CAPN15: variants seen among roughly 807,000 people sequenced by gnomAD.
The protein encoded by CAPN15 is calpain 15.
A neutral mutation model predicts 97.9 loss-of-function variants in CAPN15; 53 were observed. The ratio of observed to expected loss-of-function variants is 0.54; its 90% CI spans 0.43 to 0.68. The LOEUF is 0.68. CAPN15 is among the 30% of genes least tolerant of loss of function. The pLI is 0.00. For synonymous variants in CAPN15, 922 were observed against 722.5 expected (o/e 1.28, Z -4.43); for missense variants, 1,592 against 1,589.8 (o/e 1.00, Z -0.02).
At position 553,485 on chromosome 16, in the gene CAPN15, T is replaced by A; in HGVS notation, c.3230T>A (p.Val1077Asp). 3 of 1,605,934 alleles carry A rather than the reference T, an allele frequency of 1.9e-6. No individual in the cohort carries two copies. The highest frequency in any genetic ancestry group is 2.5e-6 in the Non-Finnish European group (3 of 1,177,206). ...CACAGCCCCCCACTCACGCCAGAGG[T>A]CGCCGGTCTGCATGGGCCCCGACCG... ...GTHSPPLTPE[V>D]AGLHGPRPL is the part of the protein sequence containing the mutation. Residue 1077 changes from valine (V) to aspartate (D), a missense_variant, in exon 14 of 14, where the codon GTC becomes GAC. By Grantham distance (152) the Val-to-Asp change is radical. This residue lies in a region of CAPN15 where 644 missense variants were observed against 699.6 expected (regional missense o/e 0.92). Transcript: ENST00000219611.
In CAPN15 at chr16:530,084, C is replaced by T. The variant is rs575522167; in HGVS notation, c.-190+2055C>T. 1.1e-4 allele frequency among the ~76,000 whole-genome samples: 17 copies of T among 152,334 alleles called. No homozygotes were observed. In the East Asian group the frequency reaches 1.7e-3, roughly 16 times the overall value. ...CCCACTCGGTGTGGATGTGGGTTTT[C>T]TCACCACCAGGCTGTGCCTCAGCTG... On this transcript the variant is annotated intron_variant, in intron 1 of 13. Transcript: ENST00000219611.
Position 538,558 on chromosome 16 carries a change from C to T in CAPN15, c.-23+2416C>T, listed in dbSNP as rs1175673259. On this transcript the variant is annotated intron_variant, in intron 3 of 13. Transcript: ENST00000219611. The stretch of plus-strand genomic sequence containing the variant: ...CTCGTGCCGAGTGAAGTGGTTCAGG[C>T]GAACGTTATCACCACACGGGGGACT... The T allele has an allele frequency of 5.3e-5, 8 of 152,328 alleles. No individual in the cohort carries two copies. In the East Asian group the frequency reaches 1.5e-3, roughly 29 times the overall value. The allele number at this position is 152,328 out of a possible 1,614,324, so 9.4% of individuals were successfully genotyped here. A position where few individuals can be genotyped will look rare whatever the true frequency, so the allele number is the denominator to read the frequency against.
intron 3 of CAPN15, 75 bp from the exon 4 acceptor site, chr16:546,742 C>T: frequency 6.8e-7 from 1 of 1,470,830 alleles, no homozygotes; most frequent in Non-Finnish European, 9.0e-7. Context: ...GGTGCCTTCC[C>T]CAGGCCGAGA....
Position 548,088 on chromosome 16 carries a change from C to A in CAPN15, c.1250C>A (p.Ala417Asp). Residue 417 changes from alanine (A) to aspartate (D), a missense_variant, in exon 4 of 14, where the codon GCC becomes GAC. By Grantham distance (126) the Ala-to-Asp change is moderately radical. Around this residue, in one of 3 missense-constraint regions of CAPN15, gnomAD observed 883 missense variants for 776.6 expected, o/e 1.14. Coordinates refer to ENST00000219611, the MANE Select transcript of CAPN15 (RefSeq NM_005632.3). ...CTGCCCGAGCGCCCGGGCCAGTGGG[C>A]CTGCCCTGCCTGTACCCTGCTCAAC... is the stretch of plus-strand genomic sequence containing the variant. ...RVLPERPGQW[A>D]CPACTLLNAL... is the part of the protein sequence containing the mutation. 6.5e-7 allele frequency: 1 copy of A among 1,536,998 alleles called. No homozygotes were observed. The highest frequency in any genetic ancestry group is 8.8e-7 in the Non-Finnish European group (1 of 1,141,962).
At chr16:540,484 C>T in intron 3 of CAPN15, 1 of 385,590 alleles carries the variant, frequency 2.6e-6, no homozygotes, top group Non-Finnish European at 3.6e-6. Flanking sequence ...CCTGCTCCTT[C>T]CAGTTGTGGC....
intron 1 of CAPN15, among the ~76,000 whole-genome samples, chr16:528,524 A>G (rs1037116001): frequency 1.3e-5 from 2 of 152,186 alleles, no homozygotes; most frequent in African/African-American, 2.4e-5. Flanking sequence ...TGTGCCAGCC[A>G]TGCCAGTGTT....
intron 3 of CAPN15, among the ~76,000 whole-genome samples, chr16:542,975 T>C (rs149532527): frequency 0.024 from 3,631 of 151,004 alleles, 160 homozygotes; most frequent in African/African-American, 0.082. Flanking sequence ...CGCTTGAACT[T>C]GGGAGGCGGA....
chr16:548,965 C>G (rs1259363642), intron 4 of CAPN15, 28 bp from the exon 5 acceptor site: 4 of 1,608,846 alleles, frequency 2.5e-6, no homozygotes, highest in Non-Finnish European at 3.4e-6. Context: ...CCCTGCCCAG[C>G]CTGAGCACAT....
At position 554,439 on chromosome 16, in the gene CAPN15, C is replaced by A. The variant is rs2035308706; in HGVS notation, c.*923C>A. On this transcript the variant is annotated 3_prime_UTR_variant, in exon 14 of 14. Transcript: ENST00000219611. ...GCAGGGGCTTCCGGGGCCTTTTCACCTGGAGAAACATTCCCACTCCCCTTT... is the reference window on the plus strand; with the variant it reads ...GCAGGGGCTTCCGGGGCCTTTTCACATGGAGAAACATTCCCACTCCCCTTT... The A allele has an allele frequency of 4.5e-6, 2 of 447,416 alleles. No individual in the cohort carries two copies. Among genetic ancestry groups the A allele is most frequent in the South Asian group, 3.1e-5 (2 of 64,060 alleles). 27.7% of individuals were successfully genotyped at this position (447,416 alleles called of 1,614,324 possible). A position where few individuals can be genotyped will look rare whatever the true frequency, so the allele number is the denominator to read the frequency against.
chr16:548,469 C>T (rs1230932400), intron 4 of CAPN15, among the ~76,000 whole-genome samples, 182 bp downstream of exon 4: 1 of 152,246 alleles, frequency 6.6e-6, no homozygotes, highest in Admixed American at 6.5e-5. Context: ...CCAGCTTGGC[C>T]TCCTGACCCT....
chr16:533,206 G>A (rs2033398442), intron 1 of CAPN15, among the ~76,000 whole-genome samples: 1 of 152,236 alleles, frequency 6.6e-6, no homozygotes. Flanking sequence ...GGGTGACAGA[G>A]CGAGGCTCTA....
intron 1 of CAPN15, among the ~76,000 whole-genome samples, chr16:529,922 G>C (rs140613316): frequency 6.6e-6 from 1 of 152,100 alleles, no homozygotes; most frequent in African/African-American, 2.4e-5. Flanking sequence ...CCAACCCGGG[G>C]GCTGCCTCGT....
chr16:536,887 G>A (rs1356117422), intron 3 of CAPN15: 1 of 152,470 alleles, frequency 6.6e-6, no homozygotes, highest in African/African-American at 2.4e-5. Context: ...CTTGCGATGG[G>A]ACCCTCAGGT....
chr16:535,069 G>A lies in CAPN15; in HGVS notation c.-136-960G>A, dbSNP rs1007900895. 1.1e-4 allele frequency among the ~76,000 whole-genome samples: 16 copies of A among 152,136 alleles called. 1 individual carries two copies. Among genetic ancestry groups the A allele is most frequent in the African/African-American group, 2.4e-4 (10 of 41,412 alleles). The stretch of plus-strand genomic sequence containing the variant: ...TGCCGCCCGCGCAAGGCTGGGGGTC[G>A]CTGTGCCAGCCCTGCTCCCATGTGG... On this transcript the variant is annotated intron_variant, in intron 2 of 13. Transcript: ENST00000219611. The surrounding 1 kb of genome is among the most constrained non-coding windows in gnomAD (Gnocchi z 6.2).
chr16:529,506 C>T (rs1171346844), intron 1 of CAPN15, among the ~76,000 whole-genome samples: 2 of 152,212 alleles, frequency 1.3e-5, no homozygotes. Context: ...CTGGTCTCTC[C>T]CTCCTGCTGG....
chr16:554,318 AGT>A lies in CAPN15; in HGVS notation c.*808_*809del. ...TCCCACCTCCCCACAGAAGCCCAGG[AGT>A]GTGTGGACGTCTGAGCCCAGCTTTC... On this transcript the variant is annotated 3_prime_UTR_variant, in exon 14 of 14. Transcript: ENST00000219611. 1 of 361,788 alleles carries A rather than the reference AGT, an allele frequency of 2.8e-6. No homozygotes were observed. 22.4% of individuals were successfully genotyped at this position (361,788 alleles called of 1,614,324 possible).
intron 3 of CAPN15, among the ~76,000 whole-genome samples, chr16:543,030 G>C (rs540453854): frequency 6.6e-6 from 1 of 152,076 alleles, no homozygotes; most frequent in South Asian, 2.1e-4. Context: ...CAGTGTGGGC[G>C]ACAGAGTGAG....
Position 548,198 on chromosome 16 carries a change from A to C in CAPN15, c.1360A>C (p.Arg454=). ...GCGGGGGGCCGCGCCCCTGAGGCGC[A>C]GGGAGAGCATGCACGTGGAGCAGCG... The part of the protein sequence containing the change: ...QRRGAAPLRR[R]ESMHVEQRRQ... Residue 454 remains arginine, a synonymous_variant, in exon 4 of 14, where the codon AGG becomes CGG. Coordinates refer to ENST00000219611, the MANE Select transcript of CAPN15 (RefSeq NM_005632.3). 2.6e-6 allele frequency: 4 copies of C among 1,543,252 alleles called. No individual in the cohort carries two copies. The highest frequency in any genetic ancestry group is 3.5e-6 in the Non-Finnish European group (4 of 1,145,248).
intron 3 of CAPN15, among the ~76,000 whole-genome samples, chr16:546,010 G>T (rs545910900): frequency 1.3e-5 from 2 of 152,346 alleles, no homozygotes; most frequent in South Asian, 4.1e-4. Flanking sequence ...ACAGAAGCCC[G>T]CTGTTAGAGC....
Sources: allele counts gnomAD v4.1 joint callset (sites outside exome capture counted in the v4.1 genomes callset), GRCh38; gene constraint gnomAD v4.1.1; regional missense constraint gnomAD v4.1.1; non-coding constraint Gnocchi (gnomAD v3.1); transcripts MANE v1.5; gene names NCBI Gene and HGNC (gene_info 2026-07-23, HGNC 2026-07-21).